NAALADL2: variants seen among roughly 807,000 people sequenced by gnomAD.
NAALADL2 encodes the protein inactive N-acetylated-alpha-linked acidic dipeptidase-like protein 2.
Under a neutral mutation model 87.2 loss-of-function variants are expected in NAALADL2, and 76 were observed. That is an observed-to-expected ratio of 0.87 (90% CI 0.72 to 1.05). NAALADL2 has a LOEUF of 1.05. Ranked by LOEUF, NAALADL2 falls within the 50% of genes least tolerant of loss-of-function variation. The pLI, the probability that NAALADL2 is intolerant of heterozygous loss-of-function variation, is 0.00. For synonymous variants in NAALADL2, 354 were observed against 331.0 expected, an observed-to-expected ratio of 1.07 and a Z score of -0.75; for missense variants, 1,089 against 945.8, an observed-to-expected ratio of 1.15 and a Z score of -1.99.
chr3:175,076,752 A>G (rs113955602), intron 1 of NAALADL2, among the ~76,000 whole-genome samples: 4,803 of 152,310 alleles, frequency 0.032, 246 homozygotes, highest in African/African-American at 0.11. Flanking sequence ...ATAATTAGGG[A>G]ACAATTGACA....
intron 1 of NAALADL2, among the ~76,000 whole-genome samples, chr3:174,988,085 C>T (rs534732264): frequency 2.0e-5 from 3 of 151,894 alleles, no homozygotes; most frequent in South Asian, 4.2e-4. Context: ...ATGTGATCTC[C>T]GAGGATCCGA....
rs548981213 is a variant in NAALADL2, at chr3:175,315,208, C to A, written c.940-8967C>A. On this transcript the variant is annotated intron_variant, in intron 4 of 13. Coordinates refer to ENST00000454872, the MANE Select transcript of NAALADL2 (RefSeq NM_207015.3). ...GACTATTTCTCAGTTGCTAGTCTAG[C>A]ACCCTGTATCAGGCACCTACCTTGC... 7.3e-4 allele frequency among the ~76,000 whole-genome samples: 111 copies of A among 152,234 alleles called. 1 individual carries two copies. Among genetic ancestry groups the A allele is most frequent in the Non-Finnish European group, 8.8e-5 (6 of 68,020 alleles).
At chr3:175,627,629 A>G (rs1383632274) in intron 11 of NAALADL2, among the ~76,000 whole-genome samples, 6 of 151,750 alleles carry the variant, frequency 4.0e-5, no homozygotes, top group Non-Finnish European at 7.4e-5. Flanking sequence ...TAAAACAATG[A>G]GTTTATTCAT....
At chr3:174,589,278 G>A (rs989429637) in intron 2 of NAALADL2, among the ~76,000 whole-genome samples, 6 of 152,132 alleles carry the variant, frequency 3.9e-5, no homozygotes, top group Admixed American at 3.9e-4. Flanking sequence ...CATCTGTCAC[G>A]GCTTCCCTTG....
rs527311325 is a variant in NAALADL2, at chr3:175,405,478, AT to A, written c.1091-41743del. Reference sequence around the variant, plus strand: ...ATGAACTTAAGGTTTATATACGATAATTTTTTTTCAAATATGAAATTTTCCA... The same window carrying A: ...ATGAACTTAAGGTTTATATACGATAATTTTTTTCAAATATGAAATTTTCCA... On this transcript the variant is annotated intron_variant, in intron 5 of 13. Coordinates refer to ENST00000454872, the MANE Select transcript of NAALADL2 (RefSeq NM_207015.3). Among the ~76,000 whole-genome samples the A allele has an allele frequency of 9.3e-4, 142 of 152,088 alleles. No individual in the cohort carries two copies. The South Asian group carries it at 0.014, about 15-fold the overall frequency.
chr3:175,321,087 A>G (rs1372925803), intron 4 of NAALADL2, among the ~76,000 whole-genome samples: 3 of 150,764 alleles, frequency 2.0e-5, no homozygotes, highest in Admixed American at 6.6e-5. Context: ...AAAATCCTCA[A>G]TAAAATACTG....
intron 4 of NAALADL2, among the ~76,000 whole-genome samples, chr3:175,308,567 G>C (rs1757981937): frequency 6.6e-6 from 1 of 152,146 alleles, no homozygotes; most frequent in Non-Finnish European, 1.5e-5. Context: ...TGAATGTCTT[G>C]TTCAAAAGGT....
chr3:174,862,712 T>C (rs1726650273), intron 1 of NAALADL2, among the ~76,000 whole-genome samples: 1 of 152,138 alleles, frequency 6.6e-6, no homozygotes, highest in Admixed American at 6.6e-5. Context: ...ATAAAAAGTA[T>C]TTCTGAGTTT....
chr3:174,791,635 T>G (rs1191826644), intron 3 of NAALADL2, among the ~76,000 whole-genome samples: 1 of 152,214 alleles, frequency 6.6e-6, no homozygotes, highest in East Asian at 1.9e-4. Flanking sequence ...TATTTTGCAT[T>G]AACACAGCAT....
intron 1 of NAALADL2, among the ~76,000 whole-genome samples, chr3:174,488,305 G>T (rs1717982074): frequency 6.6e-6 from 1 of 151,930 alleles, no homozygotes. Context: ...TTATTTAACT[G>T]CTTGGATAAG....
At chr3:175,719,681 C>A (rs1412855095) in intron 11 of NAALADL2, among the ~76,000 whole-genome samples, 1 of 152,154 alleles carries the variant, frequency 6.6e-6, no homozygotes, top group Non-Finnish European at 1.5e-5. Context: ...ACCTAAATAC[C>A]TATGACAATC....
chr3:175,009,060 T>C (rs1749437287), intron 1 of NAALADL2, among the ~76,000 whole-genome samples: 1 of 152,208 alleles, frequency 6.6e-6, no homozygotes, highest in Non-Finnish European at 1.5e-5. Context: ...TTTATCTTTC[T>C]AGAGCAGTAG....
chr3:175,161,853 A>G (rs1237806680), intron 2 of NAALADL2, among the ~76,000 whole-genome samples: 2 of 152,138 alleles, frequency 1.3e-5, no homozygotes, highest in African/African-American at 4.8e-5. Flanking sequence ...AGTCATTCTG[A>G]TGGTGTCTGT....
At chr3:174,656,419 T>G (rs982746251) in intron 2 of NAALADL2, among the ~76,000 whole-genome samples, 1 of 152,154 alleles carries the variant, frequency 6.6e-6, no homozygotes, top group Admixed American at 6.6e-5. Context: ...CTAATGACTT[T>G]AAAGAAGCTT....
intron 1 of NAALADL2, among the ~76,000 whole-genome samples, chr3:175,010,204 A>AGG (rs1266014470): frequency 6.6e-6 from 1 of 152,150 alleles, no homozygotes; most frequent in Non-Finnish European, 1.5e-5. Flanking sequence ...AGATAAACTA[A>AGG]GGGAGTGAAG....
rs1464520749 is a variant in NAALADL2 at position 175,430,339 on chromosome 3, A to G, written c.1091-16890A>G. Among the ~76,000 whole-genome samples the G allele has an allele frequency of 3.9e-5, 6 of 152,042 alleles. No homozygotes were observed. In the East Asian group the frequency reaches 1.2e-3, roughly 29 times the overall value. ...CATATATACATGATTGTTAACCTAT[A>G]TATGTGTGTTAATTTGGAAACTTGA... On this transcript the variant is annotated intron_variant, in intron 5 of 13. Transcript: ENST00000454872.
At chr3:174,744,419 A>G (rs1049789024) in intron 3 of NAALADL2, among the ~76,000 whole-genome samples, 1 of 152,012 alleles carries the variant, frequency 6.6e-6, no homozygotes, top group Admixed American at 6.6e-5. Flanking sequence ...ATATATATGC[A>G]CCCAACACAG....
intron 1 of NAALADL2, among the ~76,000 whole-genome samples, chr3:174,470,976 CTTAG>C (rs1716861023): frequency 6.6e-6 from 1 of 151,916 alleles, no homozygotes; most frequent in South Asian, 2.1e-4. Context: ...TTCATACATC[CTTAG>C]TTATTTTTAT....
chr3:175,208,009 C>G (rs1487874847), intron 2 of NAALADL2, among the ~76,000 whole-genome samples: 2 of 152,072 alleles, frequency 1.3e-5, no homozygotes, highest in Non-Finnish European at 2.9e-5. Flanking sequence ...AAATGTAAAG[C>G]ACTCCAAAAG....
Sources: allele counts gnomAD v4.1 joint callset (sites outside exome capture counted in the v4.1 genomes callset), GRCh38; gene constraint gnomAD v4.1.1; transcripts MANE v1.5; gene names NCBI Gene and HGNC (gene_info 2026-07-23, HGNC 2026-07-21).